Variants in FMNL2 observed in about 807,000 individuals in gnomAD.
FMNL2 encodes the protein formin like 2.
In FMNL2, 51 loss-of-function variants were observed where a neutral mutation model predicts 130.2. The observed-to-expected ratio is 0.39, with a 90% CI of 0.31 to 0.49. The LOEUF is 0.49. FMNL2 is among the 20% of genes least tolerant of loss of function. FMNL2 has a pLI of 0.85. For missense variants in FMNL2, 977 were observed against 1,316.2 expected, an observed-to-expected ratio of 0.74 and a Z score of 3.99; for synonymous variants, 465 against 467.1, an observed-to-expected ratio of 1.00 and a Z score of 0.06.
chr2:152,595,554 A>AGT (rs1697718196), intron 9 of FMNL2, among the ~76,000 whole-genome samples: 1 of 152,116 alleles, frequency 6.6e-6, no homozygotes, highest in South Asian at 2.1e-4. Flanking sequence ...CCTGACCTCA[A>AGT]GTGATCTGCC....
At chr2:152,575,955 G>C (rs925727427) in intron 7 of FMNL2, among the ~76,000 whole-genome samples, 2 of 152,156 alleles carry the variant, frequency 1.3e-5, no homozygotes, top group African/African-American at 4.8e-5. Flanking sequence ...TGGAACACGT[G>C]TGCTGGGTTA....
At position 152,639,156 on chromosome 2, in the gene FMNL2, G is replaced by A. The variant is rs577426452; in HGVS notation, c.2947-802G>A. Among the ~76,000 whole-genome samples, 87 of 152,290 alleles carry A rather than the reference G, an allele frequency of 5.7e-4. No individual in the cohort carries two copies. In the South Asian group the frequency reaches 6.4e-3, roughly 11 times the overall value. ...TACGTGATGAATAGCCTCCTAGCCT[G>A]GCACTCACCTAGGGACTTTGTAGGC... On this transcript the variant is annotated intron_variant, in intron 23 of 25. Coordinates refer to ENST00000288670, the MANE Select transcript of FMNL2 (RefSeq NM_052905.4).
chr2:152,511,466 A>G (rs1409288109), intron 1 of FMNL2, among the ~76,000 whole-genome samples: 1 of 152,224 alleles, frequency 6.6e-6, no homozygotes, highest in Admixed American at 6.5e-5. Flanking sequence ...ATGAGAAGCC[A>G]TGAATTTGAG....
chr2:152,618,847 A>T lies in FMNL2; in HGVS notation c.1316A>T (p.Glu439Val). 6.3e-7 allele frequency: 1 copy of T among 1,585,132 alleles called. No individual in the cohort carries two copies. The highest frequency in any genetic ancestry group is 8.6e-7 in the Non-Finnish European group (1 of 1,166,788). The change falls in exon 14 of 26, where the codon GAA becomes GTA. Residue 439 changes from glutamate to valine, a missense_variant and splice_region_variant. Glu to Val is a moderately radical substitution (Grantham distance 121, BLOSUM62 -2). This residue lies in a region of FMNL2 where 689 missense variants were observed against 995.9 expected (regional missense o/e 0.69). Transcript: ENST00000288670. Reference protein sequence around the residue: ...QRNKELDVVREIYKDANTQVH... With the variant: ...QRNKELDVVRVIYKDANTQVH... ...TCTTGACCTTGGACTTTATTGCAGG[A>T]AATCTACAAAGATGCAAATACTCAA...
chr2:152,601,666 T>C (rs1698071167), intron 9 of FMNL2, among the ~76,000 whole-genome samples: 1 of 77,102 alleles, frequency 1.3e-5, no homozygotes. Flanking sequence ...TCTTTTCTTT[T>C]CTTTCTTTTT....
intron 1 of FMNL2, among the ~76,000 whole-genome samples, chr2:152,456,919 A>G (rs1398830170): frequency 6.7e-6 from 1 of 149,926 alleles, no homozygotes; most frequent in Non-Finnish European, 1.5e-5. Context: ...GCCTGATGAC[A>G]GAGTGAGACT....
chr2:152,355,873 A>G (rs1682751945), intron 1 of FMNL2, among the ~76,000 whole-genome samples: 1 of 152,222 alleles, frequency 6.6e-6, no homozygotes, highest in Non-Finnish European at 1.5e-5. Context: ...ATTACAGAAT[A>G]CTAGGTTAGA....
chr2:152,402,673 T>A (rs181603535), intron 1 of FMNL2, among the ~76,000 whole-genome samples: 22 of 152,312 alleles, frequency 1.4e-4, no homozygotes, highest in African/African-American at 5.3e-4. Context: ...TTTGACTTTT[T>A]AAAAAATAAA....
chr2:152,391,030 A>G (rs1685080152), intron 1 of FMNL2, among the ~76,000 whole-genome samples: 2 of 152,236 alleles, frequency 1.3e-5, no homozygotes, highest in South Asian at 2.1e-4. Flanking sequence ...GTGCTGAGGC[A>G]TGAATAAATA....
At chr2:152,637,705 T>A (rs1682742790) in intron 23 of FMNL2, 31 bp downstream of exon 23, 2 of 1,589,730 alleles carry the variant, frequency 1.3e-6, no homozygotes, top group Middle Eastern at 1.7e-4. Flanking sequence ...TGCCCTTATT[T>A]CTCAAGCAAT....
chr2:152,555,120 T>A (rs943396624), intron 4 of FMNL2, among the ~76,000 whole-genome samples: 12 of 152,348 alleles, frequency 7.9e-5, no homozygotes, highest in African/African-American at 2.9e-4. Flanking sequence ...TTTTATACAG[T>A]ATTTCTTTGG....
At chr2:152,625,901 C>T (rs1422550995) in intron 16 of FMNL2, among the ~76,000 whole-genome samples, 13 of 152,204 alleles carry the variant, frequency 8.5e-5, no homozygotes, top group Admixed American at 7.8e-4. Flanking sequence ...ATCACACTCA[C>T]TGCCTTATCT....
rs1220774341 is a variant in FMNL2 at position 152,575,186 on chromosome 2, G to A, written c.647G>A (p.Ser216Asn). The change falls in exon 7 of 26, where the codon AGT becomes AAT. Residue 216 changes from serine (S) to asparagine (N), a missense_variant. This residue lies in a region of FMNL2 where 689 missense variants were observed against 995.9 expected (regional missense o/e 0.69). Coordinates refer to ENST00000288670, the MANE Select transcript of FMNL2 (RefSeq NM_052905.4). Reference protein sequence around the residue: ...RRTLKNSRLVSKKDDVHVCIM... With the variant: ...RRTLKNSRLVNKKDDVHVCIM... The stretch of plus-strand genomic sequence containing the variant: ...ACTCTGAAAAATTCAAGATTAGTGA[G>A]TAAGAAAGATGATGTGCATGTCTGT... 1.9e-5 allele frequency: 31 copies of A among 1,608,166 alleles called. No individual in the cohort carries two copies. The highest frequency in any genetic ancestry group is 2.6e-5 in the Non-Finnish European group (31 of 1,177,010).
Position 152,560,900 on chromosome 2 carries a change from T to C in FMNL2, c.461T>C (p.Val154Ala). ...TGTTTTAGTTTTGACTTTGAAAGTGTGGAGAGTACTGTGGAGAGCTCGGTG... is the reference window on the plus strand; with the variant it reads ...TGTTTTAGTTTTGACTTTGAAAGTGCGGAGAGTACTGTGGAGAGCTCGGTG... ...QYAVTFDFESVESTVESSVDK... is the reference protein window; with the variant it reads ...QYAVTFDFESAESTVESSVDK... The change falls in exon 6 of 26, where the codon GTG becomes GCG. Residue 154 changes from valine to alanine, a missense_variant. Around this residue, in one of 4 missense-constraint regions of FMNL2, gnomAD observed 689 missense variants for 995.9 expected, o/e 0.69. Coordinates refer to ENST00000288670, the MANE Select transcript of FMNL2 (RefSeq NM_052905.4). 2 of 1,611,356 alleles carry C rather than the reference T, an allele frequency of 1.2e-6. No homozygotes were observed. Among genetic ancestry groups the C allele is most frequent in the Non-Finnish European group, 1.7e-6 (2 of 1,178,668 alleles).
rs762706775 is a variant in FMNL2 at position 152,626,638 on chromosome 2, A to T, written c.2076A>T (p.Thr692=). 14 of 1,613,304 alleles carry T rather than the reference A, an allele frequency of 8.7e-6. No homozygotes were observed. The highest frequency in any genetic ancestry group is 1.2e-5 in the Non-Finnish European group (14 of 1,179,622). The change falls in exon 17 of 26, where the codon ACA becomes ACT. Residue 692 remains threonine (T), a synonymous_variant. Transcript: ENST00000288670. ...CACAGAAGGGATCAAACAAAGTGAC[A>T]TTACTAGAAGCAAACAGGGCCAAAA... is the stretch of plus-strand genomic sequence containing the variant. ...KIPQKGSNKV[T]LLEANRAKNL... is the part of the protein sequence containing the mutation.
intron 6 of FMNL2, among the ~76,000 whole-genome samples, chr2:152,568,154 A>C (rs1407603368): frequency 6.6e-6 from 1 of 152,022 alleles, no homozygotes; most frequent in Non-Finnish European, 1.5e-5. Context: ...TGTTGAGACA[A>C]TAGATGGGTG....
chr2:152,455,371 G>A (rs1396091764), intron 1 of FMNL2, among the ~76,000 whole-genome samples: 3 of 152,126 alleles, frequency 2.0e-5, no homozygotes, highest in South Asian at 4.1e-4. Flanking sequence ...TGATGTGAAC[G>A]AAACAAACAA....
Position 152,628,355 on chromosome 2 carries a change from CAACT to C in FMNL2, c.2223_2226del (p.Thr742ArgfsTer4). ...GTGGAATGCTTGATGCGGTTCCTAC[CAACT>C]GAGAATGAAGTGAAAGTGCTTCGGC... On this transcript the variant is annotated frameshift_variant, in exon 18 of 26. Transcript: ENST00000288670. LOFTEE classifies it high-confidence loss of function. 6.2e-7 allele frequency: 1 copy of C among 1,614,012 alleles called. No homozygotes were observed. Among genetic ancestry groups the C allele is most frequent in the South Asian group, 1.1e-5 (1 of 91,084 alleles).
chr2:152,544,315 G>A (rs1304075016), intron 3 of FMNL2, among the ~76,000 whole-genome samples: 25 of 152,164 alleles, frequency 1.6e-4, no homozygotes, highest in Admixed American at 1.6e-3. Context: ...GGCTGAGGTA[G>A]GAGAATCGCT....
Sources: gnomAD v4.1 joint callset for allele counts (sites outside exome capture counted in the v4.1 genomes callset) on GRCh38, gnomAD v4.1.1 for gene constraint, gnomAD v4.1.1 regional missense constraint, MANE v1.5 for transcripts, NCBI Gene and HGNC (gene_info 2026-07-23, HGNC 2026-07-21) for gene names.